Variants in LMOD2 observed in about 807,000 individuals in gnomAD.
LMOD2 encodes the protein leiomodin-2.
LMOD2 carries 27 observed loss-of-function variants against 41.7 expected under a neutral mutation model. The observed-to-expected ratio is 0.65, with a 90% confidence interval of 0.48 to 0.89. The LOEUF is 0.89. Ranked by LOEUF, LMOD2 falls within the 40% of genes least tolerant of loss-of-function variation. LMOD2 has a pLI of 0.00. For synonymous variants in LMOD2, 251 were observed against 244.6 expected (o/e 1.03, Z -0.25); for missense variants, 624 against 667.9 (o/e 0.93, Z 0.72).
intron 2 of LMOD2, 100 bp from the exon 3 acceptor site, chr7:123,663,619 T>C (rs1054968397): frequency 3.1e-6 from 3 of 965,162 alleles, no homozygotes; most frequent in Non-Finnish European, 4.8e-6. Context: ...ATAATCAACC[T>C]GAGTTCTTCT....
At chr7:123,657,740 T>C (rs909976689) in intron 1 of LMOD2, among the ~76,000 whole-genome samples, 1 of 143,668 alleles carries the variant, frequency 7.0e-6, no homozygotes, top group African/African-American at 2.6e-5. Context: ...TTTGGGAGGC[T>C]GAGGCAGGAG....
Position 123,662,683 on chromosome 7 carries a change from A to C in LMOD2, c.1097A>C (p.Gln366Pro), listed in dbSNP as rs779393691. 1 of 1,614,042 alleles carries C rather than the reference A, an allele frequency of 6.2e-7. No homozygotes were observed. The highest frequency in any genetic ancestry group is 1.1e-5 in the South Asian group (1 of 91,086). Residue 366 changes from glutamine (Q) to proline (P), a missense_variant, in exon 2 of 3, where the codon CAG becomes CCG. By Grantham distance (76) the Gln-to-Pro change is moderately conservative (BLOSUM62 -1). Transcript: ENST00000458573. The surrounding 1 kb of genome is among the most constrained non-coding windows in gnomAD (Gnocchi z 4.0). ...RQKRLQEQKQ[Q>P]EGYDGGPNLR... ...AAACGTTTGCAGGAGCAAAAACAGC[A>C]GGAGGGATACGATGGAGGACCCAAT...
At position 123,662,879 on chromosome 7, in the gene LMOD2, C is replaced by T. The variant is rs745770340; in HGVS notation, c.1293C>T (p.Pro431=). 6 of 1,545,182 alleles carry T rather than the reference C, an allele frequency of 3.9e-6. No individual in the cohort carries two copies. The highest frequency in any genetic ancestry group is 3.9e-5 in the Admixed American group (2 of 51,674). Residue 431 remains proline (P), a synonymous_variant, in exon 2 of 3, where the codon CCC becomes CCT. Transcript: ENST00000458573. The surrounding 1 kb of genome is among the most constrained non-coding windows in gnomAD (Gnocchi z 4.0). Reference sequence around the variant, plus strand: ...CTCCTCCCCCTCCTCCTCCTCCTCCCCCTCCTTCTTCCCAAAGGCTGCCAC... The same window carrying T: ...CTCCTCCCCCTCCTCCTCCTCCTCCTCCTCCTTCTTCCCAAAGGCTGCCAC... ...PPPPPPPPPP[P]PPSSQRLPPP...
At chr7:123,657,065 T>C (rs1244430455) in intron 1 of LMOD2, among the ~76,000 whole-genome samples, 1 of 152,162 alleles carries the variant, frequency 6.6e-6, no homozygotes, top group Non-Finnish European at 1.5e-5. Flanking sequence ...TCCTTTACGA[T>C]GGTGATCCTG....
chr7:123,663,293 T>C, intron 2 of LMOD2, 90 bp downstream of exon 2: 1 of 1,379,028 alleles, frequency 7.3e-7, no homozygotes, highest in South Asian at 1.5e-5. Flanking sequence ...CCTCTCACAA[T>C]ACTTATCAAT....
rs775214866 is a variant in LMOD2, at chr7:123,662,482, C to G, written c.896C>G (p.Thr299Arg). The change falls in exon 2 of 3, where the codon ACG becomes AGG. Residue 299 changes from threonine to arginine, a missense_variant. Physicochemically the swap from Thr to Arg is moderately conservative, Grantham distance 71 (BLOSUM62 -1). Transcript: ENST00000458573. The surrounding 1 kb of genome is among the most constrained non-coding windows in gnomAD (Gnocchi z 4.0). ...MRALQHNTVL[T>R]ELRFHNQRHI... The stretch of plus-strand genomic sequence containing the variant: ...GCTCTCCAGCACAACACGGTGCTCA[C>G]GGAGCTGCGTTTCCATAACCAGAGG... 3 of 1,613,888 alleles carry G rather than the reference C, an allele frequency of 1.9e-6. No individual in the cohort carries two copies. Among genetic ancestry groups the G allele is most frequent in the East Asian group, 2.2e-5 (1 of 44,860 alleles).
chr7:123,662,192 T>C lies in LMOD2; in HGVS notation c.606T>C (p.Ala202=). Residue 202 remains alanine, a synonymous_variant, in exon 2 of 3, where the codon GCT becomes GCC. Transcript: ENST00000458573. This position sits in a 1 kb window ranked among gnomAD's most constrained non-coding sequence, Gnocchi z 4.0. ...PCGNPTVIED[A]LDKIKSNDPD... ...GAAATCCTACAGTGATTGAGGACGC[T>C]TTGGACAAGATTAAAAGCAATGACC... 4 of 1,613,962 alleles carry C rather than the reference T, an allele frequency of 2.5e-6. No homozygotes were observed. Among genetic ancestry groups the C allele is most frequent in the Non-Finnish European group, 3.4e-6 (4 of 1,179,900 alleles).
Position 123,663,845 on chromosome 7 carries a change from CCT to C in LMOD2, c.*101_*102del. 1 of 927,152 alleles carries C rather than the reference CCT, an allele frequency of 1.1e-6. No individual in the cohort carries two copies. The highest frequency in any genetic ancestry group is 1.6e-6 in the Non-Finnish European group (1 of 615,670). 57.4% of individuals were successfully genotyped at this position (927,152 alleles called of 1,614,324 possible). A position where few individuals can be genotyped will look rare whatever the true frequency, so the allele number is the denominator to read the frequency against. On this transcript the variant is annotated 3_prime_UTR_variant, in exon 3 of 3. Transcript: ENST00000458573. ...ATACCTTCTTCAATTCAAAATGATC[CCT>C]GACTTTAAAAATAATCTCACCCATT...
intron 1 of LMOD2, among the ~76,000 whole-genome samples, chr7:123,660,972 A>G (rs1254170235): frequency 1.3e-5 from 2 of 152,178 alleles, no homozygotes; most frequent in Non-Finnish European, 2.9e-5. Flanking sequence ...ATTAGAATCT[A>G]GTGGATGCCA....
chr7:123,659,195 T>C (rs1213247387), intron 1 of LMOD2, among the ~76,000 whole-genome samples: 1 of 152,180 alleles, frequency 6.6e-6, no homozygotes, highest in Non-Finnish European at 1.5e-5. Flanking sequence ...TTTACTAACA[T>C]TCCCCTTCTC....
intron 1 of LMOD2, 138 bp downstream of exon 1, chr7:123,656,374 A>C: frequency 1.1e-6 from 1 of 902,980 alleles, no homozygotes; most frequent in Admixed American, 2.9e-5. Flanking sequence ...CTACTAAATC[A>C]TTTTTCAGGC....
At position 123,664,016 on chromosome 7, in the gene LMOD2, C is replaced by T. The variant is rs1381415665; in HGVS notation, c.*271C>T. ...TTCCTATCTGTGGATGTGTTGGTAA[C>T]TCCGAGTTGTAATGAGTTCATGAAA... On this transcript the variant is annotated 3_prime_UTR_variant, in exon 3 of 3. Coordinates refer to ENST00000458573, the MANE Select transcript of LMOD2 (RefSeq NM_207163.3). The T allele has an allele frequency of 2.4e-6, 1 of 412,196 alleles. No homozygotes were observed. Among genetic ancestry groups the T allele is most frequent in the Non-Finnish European group, 4.3e-6 (1 of 232,298 alleles). 25.5% of individuals were successfully genotyped at this position (412,196 alleles called of 1,614,324 possible).
rs112045958 is a variant in LMOD2, at chr7:123,663,110, G to T, written c.1524G>T (p.Met508Ile). The T allele has an allele frequency of 6.4e-7, 1 of 1,564,126 alleles. No homozygotes were observed. The stretch of plus-strand genomic sequence containing the variant: ...TGAGGTCAGTGCAAGAGAAGAAAAT[G>T]GAAGACAGTTCCCGACCTTCTACCC... ...NSLRSVQEKK[M>I]EDSSRPSTPQ... Residue 508 changes from methionine (M) to isoleucine (I), a missense_variant, in exon 2 of 3, where the codon ATG becomes ATT. By Grantham distance (10) the Met-to-Ile change is conservative (BLOSUM62 1). Transcript: ENST00000458573.
Position 123,661,934 on chromosome 7 carries a change from G to A in LMOD2, c.348G>A (p.Val116=). The stretch of plus-strand genomic sequence containing the variant: ...GTAACAGTGAGGTTTCTGAGGAAGT[G>A]TATACAGAGGAGGAGGAGGAGGAGT... ...TESNSEVSEE[V]YTEEEEEESQ... The change falls in exon 2 of 3, where the codon GTG becomes GTA. Residue 116 remains valine, a synonymous_variant. Transcript: ENST00000458573. 2 of 1,553,900 alleles carry A rather than the reference G, an allele frequency of 1.3e-6. No homozygotes were observed. Among genetic ancestry groups the A allele is most frequent in the Non-Finnish European group, 1.7e-6 (2 of 1,147,934 alleles).
Position 123,662,185 on chromosome 7 carries a change from A to T in LMOD2, c.599A>T (p.Glu200Val). The T allele has an allele frequency of 6.2e-7, 1 of 1,613,962 alleles. No homozygotes were observed. The highest frequency in any genetic ancestry group is 8.5e-7 in the Non-Finnish European group (1 of 1,179,886). Residue 200 changes from glutamate to valine, a missense_variant, in exon 2 of 3, where the codon GAG (glutamate) becomes GTG (valine). Transcript: ENST00000458573. This position sits in a 1 kb window ranked among gnomAD's most constrained non-coding sequence, Gnocchi z 4.0. ...IHPCGNPTVI[E>V]DALDKIKSND... ...CCTTGTGGAAATCCTACAGTGATTG[A>T]GGACGCTTTGGACAAGATTAAAAGC...
At chr7:123,663,418 T>C in intron 2 of LMOD2, 1 of 649,024 alleles carries the variant, frequency 1.5e-6, no homozygotes, top group Non-Finnish European at 2.6e-6. Context: ...TTTCCCAGCC[T>C]CTCAATCATA....
Position 123,662,858 on chromosome 7 carries a change from TCC to T in LMOD2, c.1276_1277del (p.Pro426SerfsTer97). On this transcript the variant is annotated frameshift_variant, in exon 2 of 3. Coordinates refer to ENST00000458573, the MANE Select transcript of LMOD2 (RefSeq NM_207163.3). LOFTEE classifies it high-confidence loss of function. This position sits in a 1 kb window ranked among gnomAD's most constrained non-coding sequence, Gnocchi z 4.0. ...CTCCTGTGGCCACACCTCCTCCTCC[TCC>T]CCCTCCTCCTCCTCCTCCCCCTCCT... is the stretch of plus-strand genomic sequence containing the variant. ...LSPVATPPPP[P>X]PPPPPPPPSS... 7.2e-7 allele frequency: 1 copy of T among 1,379,718 alleles called. No individual in the cohort carries two copies. The highest frequency in any genetic ancestry group is 9.8e-7 in the Non-Finnish European group (1 of 1,023,606). 85.5% of individuals were successfully genotyped at this position (1,379,718 alleles called of 1,614,324 possible).
intron 1 of LMOD2, among the ~76,000 whole-genome samples, chr7:123,660,573 G>A (rs560818191): frequency 3.1e-4 from 42 of 135,326 alleles, no homozygotes; most frequent in Non-Finnish European, 5.8e-4. Flanking sequence ...TTCAGGCAGC[G>A]GGCGCCCTCG....
intron 1 of LMOD2, among the ~76,000 whole-genome samples, chr7:123,657,991 TAAAAA>T (rs10693592): frequency 1.1e-5 from 1 of 90,582 alleles, no homozygotes; most frequent in South Asian, 4.8e-4. Context: ...CTTGTCTCAT[TAAAAA>T]AAAAAAAAAA....
Sources: allele counts gnomAD v4.1 joint callset (sites outside exome capture counted in the v4.1 genomes callset), GRCh38; gene constraint gnomAD v4.1.1; non-coding constraint Gnocchi (gnomAD v3.1); transcripts MANE v1.5; gene names NCBI Gene and HGNC (gene_info 2026-07-23, HGNC 2026-07-21).